HAPLN1: variants seen among roughly 807,000 people sequenced by gnomAD.
HAPLN1 encodes the protein hyaluronan and proteoglycan link protein 1.
In HAPLN1, 13 loss-of-function variants were observed where a neutral mutation model predicts 36.5. The observed-to-expected ratio is 0.36, with a 90% confidence interval of 0.23 to 0.57. HAPLN1 has a LOEUF of 0.57. Among genes scored for constraint, HAPLN1 ranks in the 20% least tolerant of loss-of-function variants. HAPLN1 has a pLI of 0.83. For synonymous variants in HAPLN1, 202 were observed against 169.8 expected (o/e 1.19, Z -1.48); for missense variants, 407 against 439.7 (o/e 0.93, Z 0.66).
At chr5:83,686,453 A>G (rs1428777456) in intron 1 of HAPLN1, among the ~76,000 whole-genome samples, 2 of 152,164 alleles carry the variant, frequency 1.3e-5, no homozygotes, top group African/African-American at 2.4e-5. Context: ...GGTTTGGCTG[A>G]GAGACAAAGT....
intron 4 of HAPLN1, among the ~76,000 whole-genome samples, chr5:83,642,680 T>A (rs1173356644): frequency 2.6e-5 from 4 of 152,162 alleles, no homozygotes; most frequent in Non-Finnish European, 5.9e-5. Context: ...AATATGATGT[T>A]CCCCTGACCC....
At position 83,639,384 on chromosome 5, in the gene HAPLN1, G is replaced by C. The variant is rs1749615523; in HGVS notation, c.*2112C>G. 1 of 151,984 alleles carries C rather than the reference G, an allele frequency of 6.6e-6. No homozygotes were observed. Among genetic ancestry groups the C allele is most frequent in the Admixed American group, 6.6e-5 (1 of 15,264 alleles). The allele number at this position is 151,984 out of a possible 1,614,324, so 9.4% of individuals were successfully genotyped here. A position where few individuals can be genotyped will look rare whatever the true frequency, so the allele number is the denominator to read the frequency against. On this transcript the variant is annotated 3_prime_UTR_variant, in exon 5 of 5. Coordinates refer to ENST00000274341, the MANE Select transcript of HAPLN1 (RefSeq NM_001884.4). The stretch of plus-strand genomic sequence containing the variant: ...TCAGCACCAATTCCTATAGTAGTAA[G>C]TATTTAAAAGTTAAGAAATACTACT...
intron 2 of HAPLN1, among the ~76,000 whole-genome samples, chr5:83,663,900 T>A (rs776800576): frequency 6.7e-6 from 1 of 149,850 alleles, no homozygotes; most frequent in African/African-American, 2.5e-5. Flanking sequence ...ACTTTCAAGA[T>A]CCTCCTAAAA....
chr5:83,692,164 C>T (rs2112621019), intron 1 of HAPLN1, among the ~76,000 whole-genome samples: 1 of 151,458 alleles, frequency 6.6e-6, no homozygotes, highest in East Asian at 1.9e-4. Flanking sequence ...ACTTAAGTGG[C>T]CAAAACATAC....
At chr5:83,694,291 A>G (rs769715408) in intron 1 of HAPLN1, among the ~76,000 whole-genome samples, 2 of 152,042 alleles carry the variant, frequency 1.3e-5, no homozygotes, top group African/African-American at 2.4e-5. Context: ...GATGCAGTGA[A>G]GCAATACTTA....
chr5:83,689,126 A>G (rs1442070009), intron 1 of HAPLN1, among the ~76,000 whole-genome samples: 3 of 152,106 alleles, frequency 2.0e-5, no homozygotes, highest in Non-Finnish European at 2.9e-5. Context: ...TGACCAATCA[A>G]TCCCAAGTAT....
At chr5:83,668,942 T>C (rs979020508) in intron 2 of HAPLN1, among the ~76,000 whole-genome samples, 1 of 152,172 alleles carries the variant, frequency 6.6e-6, no homozygotes, top group Admixed American at 6.5e-5. Context: ...TAGACTTTAT[T>C]TTTTTCTACT....
At chr5:83,671,909 A>G (rs1016052002) in intron 2 of HAPLN1, among the ~76,000 whole-genome samples, 2 of 152,210 alleles carry the variant, frequency 1.3e-5, no homozygotes, top group African/African-American at 4.8e-5. Context: ...GATAATCCTG[A>G]TACTCTGGGT....
chr5:83,645,446 T>TA (rs1220410625), intron 3 of HAPLN1, among the ~76,000 whole-genome samples: 2 of 149,540 alleles, frequency 1.3e-5, no homozygotes, highest in Non-Finnish European at 3.0e-5. Context: ...TTGTGAGATT[T>TA]TTTGTGATTT....
At chr5:83,687,205 A>G (rs1161845590) in intron 1 of HAPLN1, among the ~76,000 whole-genome samples, 1 of 152,186 alleles carries the variant, frequency 6.6e-6, no homozygotes, top group African/African-American at 2.4e-5. Flanking sequence ...ATTTTTAAAA[A>G]CTGCAAAAAA....
intron 2 of HAPLN1, among the ~76,000 whole-genome samples, chr5:83,660,777 C>T (rs935439569): frequency 2.6e-5 from 4 of 152,240 alleles, no homozygotes; most frequent in Middle Eastern, 3.4e-3. Context: ...ATATCTCTTA[C>T]ATTGTGTCAC....
chr5:83,693,169 C>T (rs1751319016), intron 1 of HAPLN1, among the ~76,000 whole-genome samples: 1 of 151,810 alleles, frequency 6.6e-6, no homozygotes, highest in Non-Finnish European at 1.5e-5. Flanking sequence ...ACTATACTCA[C>T]CTCTTTTCTG....
intron 1 of HAPLN1, among the ~76,000 whole-genome samples, chr5:83,709,379 T>C (rs1389407375): frequency 6.6e-6 from 1 of 152,240 alleles, no homozygotes; most frequent in South Asian, 2.1e-4. Context: ...AAGCCTAATA[T>C]TTACATCTCC....
chr5:83,663,632 C>T (rs1396678489), intron 2 of HAPLN1, among the ~76,000 whole-genome samples: 2 of 152,036 alleles, frequency 1.3e-5, no homozygotes, highest in African/African-American at 4.8e-5. Flanking sequence ...TAACTTGAGT[C>T]CCTCCTCCCT....
At chr5:83,658,089 A>T (rs1750273057) in intron 2 of HAPLN1, among the ~76,000 whole-genome samples, 1 of 152,172 alleles carries the variant, frequency 6.6e-6, no homozygotes, top group African/African-American at 2.4e-5. Context: ...ACATAGACTC[A>T]ATTGTCAGCT....
intron 2 of HAPLN1, among the ~76,000 whole-genome samples, chr5:83,663,819 T>TC (rs1750478862): frequency 1.3e-5 from 2 of 149,792 alleles, no homozygotes; most frequent in African/African-American, 4.9e-5. Context: ...TTTTTTTTTT[T>TC]CAAATTGGTT....
At chr5:83,645,641 T>C (rs1749851485) in intron 3 of HAPLN1, among the ~76,000 whole-genome samples, 1 of 152,062 alleles carries the variant, frequency 6.6e-6, no homozygotes, top group African/African-American at 2.4e-5. Context: ...TAAACAACTT[T>C]ATTTCAGATT....
intron 1 of HAPLN1, among the ~76,000 whole-genome samples, chr5:83,678,220 G>GGTGTGTGTGTGTGTGTGTGTGT (rs56962854): frequency 7.0e-6 from 1 of 142,534 alleles, no homozygotes; most frequent in Admixed American, 7.0e-5. Context: ...CTATAGTTTG[G>GGTGTGTGTGTGTGTGTGTGTGT]GTGTGTGTGT....
At chr5:83,649,854 CTATT>C (rs1204670528) in intron 3 of HAPLN1, among the ~76,000 whole-genome samples, 2 of 152,160 alleles carry the variant, frequency 1.3e-5, no homozygotes, top group African/African-American at 4.8e-5. Context: ...TACTTGTAAA[CTATT>C]TACTGAGCAT....
Sources: allele counts gnomAD v4.1 joint callset (sites outside exome capture counted in the v4.1 genomes callset), GRCh38; gene constraint gnomAD v4.1.1; transcripts MANE v1.5; gene names NCBI Gene and HGNC (gene_info 2026-07-23, HGNC 2026-07-21).